The following DOCK2 variants were observed in gnomAD, a reference collection of about 807,000 sequenced individuals.
DOCK2 encodes dedicator of cytokinesis 2.
DOCK2 carries 87 observed loss-of-function variants against 248.9 expected under a neutral mutation model. That is an observed-to-expected ratio of 0.35 (90% CI 0.29 to 0.42). DOCK2 has a LOEUF of 0.42. Among genes scored for constraint, DOCK2 ranks in the 10% least tolerant of loss-of-function variants. The probability of loss-of-function intolerance (pLI) is 1.00; values close to 1 mark genes in which losing one functional copy is unlikely to be tolerated. For synonymous variants in DOCK2, 805 were observed against 821.6 expected (o/e 0.98, Z 0.35); for missense variants, 1,747 against 2,300.2 (o/e 0.76, Z 4.92).
At chr5:169,647,390 AG>A (rs1757528676) in intron 1 of DOCK2, among the ~76,000 whole-genome samples, 1 of 152,010 alleles carries the variant, frequency 6.6e-6, no homozygotes, top group South Asian at 2.1e-4. Context: ...GGATGGGTAA[AG>A]GGTAAGAGTT....
chr5:169,755,739 G>A (rs150344420), intron 23 of DOCK2, among the ~76,000 whole-genome samples: 6,287 of 152,150 alleles, frequency 0.041, 447 homozygotes, highest in African/African-American at 0.14. Flanking sequence ...GTGAGACTCC[G>A]TCTCAAAATA....
chr5:169,883,175 C>T lies in DOCK2; in HGVS notation c.2799+42323C>T, dbSNP rs754953320. 18 of 1,551,464 alleles carry T rather than the reference C, an allele frequency of 1.2e-5. No homozygotes were observed. In the South Asian group the frequency reaches 2.1e-4, roughly 18 times the overall value. On this transcript the variant is annotated intron_variant, in intron 27 of 51. Coordinates refer to ENST00000520908, the MANE Select transcript of DOCK2 (RefSeq NM_004946.3). ...AGTGGAGTCACCCTTCTCCCATCAC[C>T]TGGACGTGTGTCATCCAAAGGGTGT...
intron 26 of DOCK2, among the ~76,000 whole-genome samples, chr5:169,804,418 T>A (rs1325006836): frequency 6.6e-6 from 1 of 151,192 alleles, no homozygotes; most frequent in Non-Finnish European, 1.5e-5. Context: ...GATGCATATT[T>A]GGGGTACAAG....
In DOCK2 at chr5:170,028,087, C is replaced by T. The variant is rs530097411; in HGVS notation, c.3467+139C>T. The T allele has an allele frequency of 2.0e-5, 12 of 599,954 alleles. No homozygotes were observed. The South Asian group carries it at 6.7e-4, about 33-fold the overall frequency. 37.2% of individuals were successfully genotyped at this position (599,954 alleles called of 1,614,324 possible). A position where few individuals can be genotyped will look rare whatever the true frequency, so the allele number is the denominator to read the frequency against. On this transcript the variant is annotated intron_variant, in intron 34 of 51. Transcript: ENST00000520908. ...AGGCTCATGGGTATTGGCAAAACTC[C>T]ATTTTTGGAAGAAACCTCACATTTC...
rs142098972 is a variant in DOCK2, at chr5:169,743,068, C to T, written c.2268-4328C>T. On this transcript the variant is annotated intron_variant, in intron 22 of 51. Coordinates refer to ENST00000520908, the MANE Select transcript of DOCK2 (RefSeq NM_004946.3). ...ACAGAGATCAAGCGCTAAAAAAGAA[C>T]CTGGAAGCTACATCTGCTGTGCCCT... Among the ~76,000 whole-genome samples, 8 of 152,304 alleles carry T rather than the reference C, an allele frequency of 5.3e-5. No individual in the cohort carries two copies. In the East Asian group the frequency reaches 1.2e-3, roughly 22 times the overall value.
At chr5:169,671,197 CTGAG>C in intron 5 of DOCK2, 23 bp downstream of exon 5, 1 of 1,602,912 alleles carries the variant, frequency 6.2e-7, no homozygotes, top group Non-Finnish European at 8.5e-7. Flanking sequence ...ACTCTGCTCC[CTGAG>C]TTGGAAGCTT....
At chr5:169,787,208 A>G (rs1766039986) in intron 25 of DOCK2, among the ~76,000 whole-genome samples, 1 of 152,180 alleles carries the variant, frequency 6.6e-6, no homozygotes, top group African/African-American at 2.4e-5. Flanking sequence ...TCTATTACTG[A>G]CTAAGTACAT....
chr5:169,850,824 C>A (rs188999620), intron 27 of DOCK2, among the ~76,000 whole-genome samples: 1 of 152,212 alleles, frequency 6.6e-6, no homozygotes, highest in Non-Finnish European at 1.5e-5. Context: ...CTTCACGGAA[C>A]TGGAACTGGG....
intron 27 of DOCK2, among the ~76,000 whole-genome samples, chr5:169,864,735 C>G (rs1206012741): frequency 2.0e-5 from 3 of 152,124 alleles, no homozygotes; most frequent in African/African-American, 7.2e-5. Context: ...AATATTGGCT[C>G]CAGTCTCTCT....
chr5:170,021,407 A>G (rs1581533168), intron 33 of DOCK2, among the ~76,000 whole-genome samples: 1 of 152,278 alleles, frequency 6.6e-6, no homozygotes, highest in East Asian at 1.9e-4. Context: ...AGGTGTGCAA[A>G]AGAAACACAC....
At chr5:169,883,552 G>T (rs1412410345) in intron 27 of DOCK2, 1 of 1,551,680 alleles carries the variant, frequency 6.4e-7, no homozygotes, top group East Asian at 2.4e-5. Flanking sequence ...CTTACTGGCT[G>T]TGAGTCTCTT....
intron 25 of DOCK2, among the ~76,000 whole-genome samples, chr5:169,785,316 C>T (rs947513987): frequency 1.3e-5 from 2 of 152,118 alleles, no homozygotes; most frequent in Non-Finnish European, 2.9e-5. Flanking sequence ...CTTATTCTTG[C>T]CTTTTTATCC....
At chr5:169,689,486 TTGTG>T (rs1241034116) in intron 9 of DOCK2, among the ~76,000 whole-genome samples, 153 bp downstream of exon 9, 5 of 152,190 alleles carry the variant, frequency 3.3e-5, no homozygotes, top group African/African-American at 1.2e-4. Flanking sequence ...ACAAAGGACA[TTGTG>T]TGCCTTGAGG....
In DOCK2 at chr5:169,848,458, T is replaced by TGGTGAGG. The variant is rs1770445737; in HGVS notation, c.2799+7608_2799+7614dup. 2.6e-5 allele frequency among the ~76,000 whole-genome samples: 4 copies of TGGTGAGG among 152,224 alleles called. 1 individual carries two copies. The South Asian group carries it at 8.3e-4, about 31-fold the overall frequency. ...AAAAATGTCCAGGCTTGTTTGTGCG[T>TGGTGAGG]GGTGAGGGTGTGCCTCAAGAACCCT... On this transcript the variant is annotated intron_variant, in intron 27 of 51. Coordinates refer to ENST00000520908, the MANE Select transcript of DOCK2 (RefSeq NM_004946.3).
chr5:169,733,582 A>G (rs190534099), intron 22 of DOCK2, among the ~76,000 whole-genome samples: 42 of 152,160 alleles, frequency 2.8e-4, no homozygotes, highest in African/African-American at 9.6e-4. Context: ...GACATTTCAT[A>G]TTTGCTTACT....
chr5:169,729,821 A>T (rs997385230), intron 22 of DOCK2, among the ~76,000 whole-genome samples: 1 of 152,184 alleles, frequency 6.6e-6, no homozygotes, highest in Non-Finnish European at 1.5e-5. Flanking sequence ...CTCTGGAGCC[A>T]CACTGCCTGG....
chr5:169,907,427 T>C (rs1774344255), intron 27 of DOCK2, among the ~76,000 whole-genome samples: 1 of 152,224 alleles, frequency 6.6e-6, no homozygotes. Flanking sequence ...TGGCTGATAA[T>C]TGGGCTCCTG....
At chr5:170,045,952 C>T (rs777357186) in intron 39 of DOCK2, 47 bp downstream of exon 39, 2 of 1,577,350 alleles carry the variant, frequency 1.3e-6, no homozygotes, top group Non-Finnish European at 1.7e-6. Flanking sequence ...GCTGGGTGCT[C>T]AGGGCCTCAG....
At chr5:169,997,939 T>G (rs1214757401) in intron 30 of DOCK2, 3 of 456,370 alleles carry the variant, frequency 6.6e-6, no homozygotes, top group East Asian at 6.9e-5. Flanking sequence ...GTGAGTCATC[T>G]GTAAAATGCA....
Sources: allele counts gnomAD v4.1 joint callset (sites outside exome capture counted in the v4.1 genomes callset), GRCh38; gene constraint gnomAD v4.1.1; transcripts MANE v1.5; gene names NCBI Gene and HGNC (gene_info 2026-07-23, HGNC 2026-07-21).